Variants in TRAF2 observed in about 807,000 individuals in gnomAD.
TRAF2 encodes TNF receptor-associated factor 2.
Under a neutral mutation model 55.6 loss-of-function variants are expected in TRAF2, and 6 were observed. That is an observed-to-expected ratio of 0.11 (90% CI 0.06 to 0.21). The LOEUF is 0.21. Ranked by LOEUF, TRAF2 falls within the 10% of genes least tolerant of loss-of-function variation. The pLI is 1.00. For synonymous variants in TRAF2, 329 were observed against 276.3 expected (o/e 1.19, Z -1.89); for missense variants, 561 against 684.5 (o/e 0.82, Z 2.01).
At chr9:136,901,114 C>T (rs1225806602) in intron 4 of TRAF2, among the ~76,000 whole-genome samples, 1 of 152,216 alleles carries the variant, frequency 6.6e-6, no homozygotes, top group Non-Finnish European at 1.5e-5. Flanking sequence ...GCTGGGCGAG[C>T]CGTGCACGCC....
rs17243949 is a variant in TRAF2 at position 136,905,271 on chromosome 9, G to A, written c.367-2799G>A. ...TCAGCACATTGTCCTCCTCTCTCCGGGTTGTGCCCATCGGTACAGAATATG... is the reference window on the plus strand; with the variant it reads ...TCAGCACATTGTCCTCCTCTCTCCGAGTTGTGCCCATCGGTACAGAATATG... On this transcript the variant is annotated intron_variant, in intron 4 of 10. Transcript: ENST00000247668. Among the ~76,000 whole-genome samples the A allele has an allele frequency of 2.0e-3, 312 of 152,302 alleles. 1 individual carries two copies. The highest frequency in any genetic ancestry group is 7.2e-3 in the African/African-American group (299 of 41,552).
intron 1 of TRAF2, chr9:136,890,211 C>T (rs1849552880): frequency 3.3e-5 from 5 of 151,726 alleles, no homozygotes; most frequent in Admixed American, 3.3e-4. Flanking sequence ...GTGAGAGTCC[C>T]CACCACACGC....
At chr9:136,886,284 C>A, upstream of TRAF2, 2 of 565,150 alleles carry the variant, frequency 3.5e-6, no homozygotes, top group Admixed American at 6.3e-5. Context: ...ACTTAGGTAC[C>A]CACGCCGTCT....
chr9:136,924,084 G>T, intron 10 of TRAF2, 84 bp downstream of exon 10: 1 of 1,524,158 alleles, frequency 6.6e-7, no homozygotes, highest in Non-Finnish European at 8.8e-7. Flanking sequence ...AGGGTTGTGC[G>T]GGACAAGGTG....
intron 4 of TRAF2, among the ~76,000 whole-genome samples, chr9:136,907,363 C>T (rs989658520): frequency 6.6e-6 from 1 of 152,250 alleles, no homozygotes; most frequent in Non-Finnish European, 1.5e-5. Flanking sequence ...GGGCCTCTGC[C>T]CAGCTCCTGG....
At chr9:136,891,703 A>G (rs1849582966) in intron 1 of TRAF2, among the ~76,000 whole-genome samples, 2 of 151,930 alleles carry the variant, frequency 1.3e-5, no homozygotes, top group South Asian at 2.1e-4. Flanking sequence ...ACATTGGGAA[A>G]AAAGAACGCT....
upstream of TRAF2, among the ~76,000 whole-genome samples, chr9:136,883,982 G>A (rs942725932): frequency 1.3e-5 from 2 of 151,786 alleles, no homozygotes; most frequent in African/African-American, 4.8e-5. Flanking sequence ...GTACCACCAT[G>A]CCCAGCTAAT....
chr9:136,901,811 A>T (rs977778630), intron 4 of TRAF2: 2 of 152,136 alleles, frequency 1.3e-5, no homozygotes, highest in African/African-American at 2.4e-5. Flanking sequence ...TTGGACCTGC[A>T]TTACTGTGTG....
chr9:136,918,267 T>A (rs1297831515), intron 7 of TRAF2, among the ~76,000 whole-genome samples: 1 of 11,910 alleles, frequency 8.4e-5, no homozygotes, highest in Non-Finnish European at 1.6e-4. Flanking sequence ...ATTTATTTAA[T>A]TAATTAATTT....
chr9:136,909,887 C>T (rs1415177392), intron 5 of TRAF2, 33 bp from the exon 6 acceptor site: 3 of 1,613,000 alleles, frequency 1.9e-6, no homozygotes, highest in African/African-American at 2.7e-5. Flanking sequence ...GCATTGGCGT[C>T]CACCCTCACA....
intron 7 of TRAF2, among the ~76,000 whole-genome samples, chr9:136,919,042 A>ATATATATATATATATATATT (rs149167081): frequency 7.2e-6 from 1 of 138,326 alleles, no homozygotes; most frequent in Admixed American, 7.2e-5. Context: ...GCCTATTTTA[A>ATATATATATATATATATATT]TATTTATTTA....
At chr9:136,887,882 A>T (rs1849489562) in intron 1 of TRAF2, among the ~76,000 whole-genome samples, 1 of 151,948 alleles carries the variant, frequency 6.6e-6, no homozygotes, top group Non-Finnish European at 1.5e-5. Context: ...TTATTTATTT[A>T]TTTTTTGAGA....
chr9:136,883,324 G>A (rs1168945957), upstream of TRAF2, among the ~76,000 whole-genome samples: 11 of 152,180 alleles, frequency 7.2e-5, no homozygotes, highest in Non-Finnish European at 1.5e-5. Flanking sequence ...GAGGGCTGTG[G>A]GCATTTGCCA....
Position 136,898,815 on chromosome 9 carries a change from G to A in TRAF2, c.75G>A (p.Gly25=), listed in dbSNP as rs776576423. Residue 25 remains glycine (G), a synonymous_variant, in exon 2 of 11, where the codon GGG becomes GGA. Transcript: ENST00000247668. ...LQPGFSKTLL[G]TKLEAKYLCS... ...CCGGCTTCTCCAAGACCCTCCTGGG[G>A]ACCAAGCTGGAAGCCAAGTACCTGT... The A allele has an allele frequency of 1.1e-5, 18 of 1,613,652 alleles. No individual in the cohort carries two copies. The highest frequency in any genetic ancestry group is 1.5e-5 in the Non-Finnish European group (18 of 1,180,050).
In TRAF2 at chr9:136,923,689, C is replaced by G. The variant is rs1284207962; in HGVS notation, c.1139-163C>G. ...TAATGAAATTTGTTTTCATTGGAAA[C>G]TAACTGCATAGTTTGAGGGAAAAAA... On this transcript the variant is annotated intron_variant, in intron 9 of 10. Transcript: ENST00000247668. Among the ~76,000 whole-genome samples the G allele has an allele frequency of 3.1e-5, 4 of 128,290 alleles. No individual in the cohort carries two copies. In the South Asian group the frequency reaches 1.1e-3, roughly 37 times the overall value. The allele number at this position is 128,290 out of a possible 152,430, so 84.2% of individuals were successfully genotyped here.
intron 2 of TRAF2, among the ~76,000 whole-genome samples, chr9:136,899,380 C>T (rs941532070): frequency 9.9e-5 from 15 of 152,134 alleles, no homozygotes; most frequent in Admixed American, 7.2e-4. Flanking sequence ...GCGGTTCAGG[C>T]GTGCCTTCCT....
chr9:136,882,732 A>G, upstream of TRAF2: 1 of 985,542 alleles, frequency 1.0e-6, no homozygotes, highest in Non-Finnish European at 1.2e-6. Flanking sequence ...CTTTCCAGCC[A>G]GCAAACAAGG....
At chr9:136,886,951 C>T (rs1170392369) in intron 1 of TRAF2, 1 of 152,292 alleles carries the variant, frequency 6.6e-6, no homozygotes, top group Non-Finnish European at 1.5e-5. Context: ...CCCTCGTGTC[C>T]CCGAAGCCCC....
At chr9:136,899,035 G>A in intron 2 of TRAF2, 107 bp downstream of exon 2, 1 of 1,128,766 alleles carries the variant, frequency 8.9e-7, no homozygotes, top group South Asian at 1.6e-5. Context: ...CAGCTTAGAT[G>A]TGCTCCAGTT....
Sources: allele counts gnomAD v4.1 joint callset (sites outside exome capture counted in the v4.1 genomes callset), GRCh38; gene constraint gnomAD v4.1.1; transcripts MANE v1.5; gene names NCBI Gene and HGNC (gene_info 2026-07-23, HGNC 2026-07-21).